Variants in TRIM33 observed in about 807,000 individuals in gnomAD.
TRIM33 encodes E3 ubiquitin-protein ligase TRIM33.
In TRIM33, 20 loss-of-function variants were observed where a neutral mutation model predicts 125.4. The observed-to-expected ratio is 0.16, with a 90% CI of 0.11 to 0.23. The LOEUF (loss-of-function observed/expected upper bound fraction) is 0.23, where lower values mean the gene tolerates loss of function less well. Ranked by LOEUF, TRIM33 falls within the 10% of genes least tolerant of loss-of-function variation. TRIM33 has a pLI of 1.00. For synonymous variants in TRIM33, 564 were observed against 513.9 expected (o/e 1.10, Z -1.32); for missense variants, 920 against 1,411.4 (o/e 0.65, Z 5.58).
At position 114,433,604 on chromosome 1, in the gene TRIM33, G is replaced by C; in HGVS notation, c.1040+13C>G. The C allele has an allele frequency of 6.6e-7, 1 of 1,508,498 alleles. No homozygotes were observed. The highest frequency in any genetic ancestry group is 9.1e-7 in the Non-Finnish European group (1 of 1,103,016). 93.4% of individuals were successfully genotyped at this position (1,508,498 alleles called of 1,614,324 possible). A position where few individuals can be genotyped will look rare whatever the true frequency, so the allele number is the denominator to read the frequency against. The stretch of plus-strand genomic sequence containing the variant: ...TAATTCTTAAAATTATGGTTTTAAG[G>C]CAACAAACTTACCTATTCTGCACCT... On this transcript the variant is annotated intron_variant, in intron 5 of 19. Coordinates refer to ENST00000358465, the MANE Select transcript of TRIM33 (RefSeq NM_015906.4).
chr1:114,511,000 GC>G lies in TRIM33; in HGVS notation c.76del (p.Ala26ProfsTer153). On this transcript the variant is annotated frameshift_variant, in exon 1 of 20. Coordinates refer to ENST00000358465, the MANE Select transcript of TRIM33 (RefSeq NM_015906.4). LOFTEE classifies it high-confidence loss of function. ...CGCCTCCTGCGCGGCGGGCCCGGCG[GC>G]CCCGGCAGTTACCGGCGCGCTGCCG... The part of the protein sequence containing the change: ...GSGSAPVTAG[A>X]AGPAAQEAEP... The G allele has an allele frequency of 7.5e-7, 1 of 1,330,580 alleles. No individual in the cohort carries two copies. The highest frequency in any genetic ancestry group is 9.6e-7 in the Non-Finnish European group (1 of 1,042,668). The allele number at this position is 1,330,580 out of a possible 1,614,324, so 82.4% of individuals were successfully genotyped here.
At chr1:114,487,018 T>TG (rs534024947) in intron 1 of TRIM33, among the ~76,000 whole-genome samples, 327 of 147,976 alleles carry the variant, frequency 2.2e-3, no homozygotes, top group African/African-American at 8.0e-3. Flanking sequence ...ACCCAGGAAA[T>TG]GGAGACTGCA....
At chr1:114,471,947 C>A (rs1283642994) in intron 1 of TRIM33, among the ~76,000 whole-genome samples, 1 of 152,076 alleles carries the variant, frequency 6.6e-6, no homozygotes, top group Non-Finnish European at 1.5e-5. Flanking sequence ...GTGAAAAAAA[C>A]CTGACCTGAA....
intron 13 of TRIM33, among the ~76,000 whole-genome samples, chr1:114,407,853 T>A (rs1176543227): frequency 6.6e-6 from 1 of 152,216 alleles, no homozygotes; most frequent in East Asian, 1.9e-4. Context: ...TTATCCTATC[T>A]TTCCTATAAC....
intron 12 of TRIM33, 63 bp downstream of exon 12, chr1:114,410,121 A>G: frequency 1.3e-6 from 2 of 1,582,362 alleles, no homozygotes. Context: ...ATTCTGACTA[A>G]GACAGATACT....
intron 10 of TRIM33, among the ~76,000 whole-genome samples, chr1:114,424,318 C>T (rs539422872): frequency 6.6e-6 from 1 of 152,220 alleles, no homozygotes; most frequent in African/African-American, 2.4e-5. Flanking sequence ...ATCACCAGCT[C>T]ATTAGATTTT....
chr1:114,449,184 G>A (rs754675015), intron 4 of TRIM33, among the ~76,000 whole-genome samples: 1 of 151,798 alleles, frequency 6.6e-6, no homozygotes, highest in Non-Finnish European at 1.5e-5. Flanking sequence ...GTAAAAAGAC[G>A]TATCTCATAC....
intron 1 of TRIM33, among the ~76,000 whole-genome samples, chr1:114,476,661 A>T (rs1444498560): frequency 2.0e-5 from 3 of 152,178 alleles, no homozygotes; most frequent in Non-Finnish European, 4.4e-5. Flanking sequence ...CAGACAAAGC[A>T]AAACAATTTT....
intron 11 of TRIM33, among the ~76,000 whole-genome samples, chr1:114,417,770 T>G (rs1653028926): frequency 6.6e-6 from 1 of 152,196 alleles, no homozygotes; most frequent in South Asian, 2.1e-4. Context: ...GCAATTCTCC[T>G]GCCTCAGCCT....
intron 11 of TRIM33, chr1:114,420,319 C>A: frequency 2.0e-6 from 2 of 983,398 alleles, no homozygotes; most frequent in South Asian, 2.7e-5. Context: ...CTAACCCCAT[C>A]CTTTTCTCAG....
rs768305399 is a variant in TRIM33 at position 114,402,766 on chromosome 1, G to A, written c.2886C>T (p.Asp962=). Residue 962 remains aspartate (D), a synonymous_variant, in exon 16 of 20, where the codon GAC becomes GAT. Coordinates refer to ENST00000358465, the MANE Select transcript of TRIM33 (RefSeq NM_015906.4). ...CAACTTATTTGACACTTACCCTTTGGTCCACGGGGCTTAACCCCTGCGCAG... is the reference window on the plus strand; with the variant it reads ...CAACTTATTTGACACTTACCCTTTGATCCACGGGGCTTAACCCCTGCGCAG... The part of the protein sequence containing the change: ...GKTAQGLSPV[D]QRKCERLLLY... The A allele has an allele frequency of 1.1e-5, 17 of 1,612,938 alleles. No homozygotes were observed. The highest frequency in any genetic ancestry group is 1.4e-5 in the Non-Finnish European group (16 of 1,179,628).
intron 4 of TRIM33, among the ~76,000 whole-genome samples, chr1:114,459,567 T>C (rs1572079686): frequency 6.6e-6 from 1 of 152,280 alleles, no homozygotes; most frequent in East Asian, 1.9e-4. Flanking sequence ...CCTAAGAGTT[T>C]AAATCCAGCC....
At chr1:114,408,624 T>C in intron 13 of TRIM33, 53 bp downstream of exon 13, 1 of 1,135,772 alleles carries the variant, frequency 8.8e-7, no homozygotes, top group Non-Finnish European at 1.3e-6. Flanking sequence ...TTATTATACA[T>C]ATTTGCTATT....
At chr1:114,463,926 G>A (rs1332450845) in intron 2 of TRIM33, among the ~76,000 whole-genome samples, 2 of 151,686 alleles carry the variant, frequency 1.3e-5, no homozygotes, top group East Asian at 1.9e-4. Context: ...ATGCCACCAC[G>A]CCCGGCTAGT....
In TRIM33 at chr1:114,487,693, C is replaced by T. The variant is rs997465571; in HGVS notation, c.526+22858G>A. On this transcript the variant is annotated intron_variant, in intron 1 of 19. Transcript: ENST00000358465. Reference sequence around the variant, plus strand: ...CGGGTGGATCATGAGGTCAGGAGATCGAGACCATCCTGGCTAACAAGGTGA... The same window carrying T: ...CGGGTGGATCATGAGGTCAGGAGATTGAGACCATCCTGGCTAACAAGGTGA... Among the ~76,000 whole-genome samples, 7 of 149,892 alleles carry T rather than the reference C, an allele frequency of 4.7e-5. No homozygotes were observed. In the South Asian group the frequency reaches 1.3e-3, roughly 27 times the overall value.
chr1:114,431,998 G>A (rs558321631), intron 5 of TRIM33, among the ~76,000 whole-genome samples: 5 of 152,246 alleles, frequency 3.3e-5, no homozygotes, highest in African/African-American at 9.6e-5. Flanking sequence ...ATTTAATTAA[G>A]TCTACTGTAT....
At chr1:114,432,612 C>G (rs1395807089) in intron 5 of TRIM33, among the ~76,000 whole-genome samples, 6 of 152,006 alleles carry the variant, frequency 3.9e-5, no homozygotes, top group Admixed American at 3.9e-4. Context: ...CGGTGAAACC[C>G]CGTCTCTACT....
chr1:114,473,578 G>A (rs927329055), intron 1 of TRIM33, among the ~76,000 whole-genome samples: 1 of 152,192 alleles, frequency 6.6e-6, no homozygotes, highest in East Asian at 1.9e-4. Context: ...GCAGGTAATC[G>A]GAATGAGTCA....
chr1:114,506,477 A>C (rs1653013321), intron 1 of TRIM33, among the ~76,000 whole-genome samples: 1 of 151,964 alleles, frequency 6.6e-6, no homozygotes, highest in Non-Finnish European at 1.5e-5. Flanking sequence ...AGGTAGCCTC[A>C]TCTCCTTCAA....
Sources: allele counts gnomAD v4.1 joint callset (sites outside exome capture counted in the v4.1 genomes callset), GRCh38; gene constraint gnomAD v4.1.1; transcripts MANE v1.5; gene names NCBI Gene and HGNC (gene_info 2026-07-23, HGNC 2026-07-21).